SETBP1: variants seen among roughly 807,000 people sequenced by gnomAD.
SETBP1 encodes SET-binding protein.
A neutral mutation model predicts 101.0 loss-of-function variants in SETBP1; 9 were observed. The observed-to-expected ratio is 0.09, with a 90% CI of 0.05 to 0.16. The LOEUF (loss-of-function observed/expected upper bound fraction) is 0.16, where lower values mean the gene tolerates loss of function less well. SETBP1 is among the 10% of genes least tolerant of loss of function. The pLI is 1.00. For synonymous variants in SETBP1, 818 were observed against 788.5 expected, an observed-to-expected ratio of 1.04 and a Z score of -0.63; for missense variants, 1,858 against 2,033.8, an observed-to-expected ratio of 0.91 and a Z score of 1.66.
At chr18:44,872,741 C>G (rs1177989672) in intron 3 of SETBP1, among the ~76,000 whole-genome samples, 2 of 152,264 alleles carry the variant, frequency 1.3e-5, no homozygotes. Flanking sequence ...TGCCCACGTG[C>G]TTGTGCACAT....
At chr18:44,696,284 A>G (rs73952915) in intron 1 of SETBP1, among the ~76,000 whole-genome samples, 3,172 of 152,242 alleles carry the variant, frequency 0.021, 96 homozygotes, top group African/African-American at 0.073. Context: ...CAATAATAAT[A>G]CCTATGATCT....
intron 2 of SETBP1, among the ~76,000 whole-genome samples, chr18:44,817,308 A>G (rs2072000557): frequency 6.6e-6 from 1 of 152,176 alleles, no homozygotes; most frequent in Admixed American, 6.5e-5. Context: ...AGGGTCACGC[A>G]GTTAAATATT....
chr18:44,816,950 C>T lies in SETBP1; in HGVS notation c.487-52280C>T, dbSNP rs75770995. ...CCAGCCAGCGATTTAGGGAAATTGA[C>T]GATCTTCTGGGGCTTGTTGTGTTTG... is the stretch of plus-strand genomic sequence containing the variant. On this transcript the variant is annotated intron_variant, in intron 2 of 5. Transcript: ENST00000649279. 9.9e-4 allele frequency among the ~76,000 whole-genome samples: 151 copies of T among 152,238 alleles called. 2 individuals carry two copies. In the East Asian group the frequency reaches 0.023, roughly 23 times the overall value.
At position 45,029,919 on chromosome 18, in the gene SETBP1, A is replaced by G. The variant is rs1237811579; in HGVS notation, c.4001-8566A>G. ...CTTAAGGAGATTTTGGGCTGAGACA[A>G]TGGGGTTTTCTAGATATACAATCAT... is the stretch of plus-strand genomic sequence containing the variant. On this transcript the variant is annotated intron_variant, in intron 4 of 5. Coordinates refer to ENST00000649279, the MANE Select transcript of SETBP1 (RefSeq NM_015559.3). 2.6e-5 allele frequency among the ~76,000 whole-genome samples: 4 copies of G among 151,602 alleles called. No homozygotes were observed. The South Asian group carries it at 6.3e-4, about 24-fold the overall frequency.
At chr18:44,846,826 A>G (rs1215441772) in intron 2 of SETBP1, among the ~76,000 whole-genome samples, 9 of 152,244 alleles carry the variant, frequency 5.9e-5, no homozygotes, top group Non-Finnish European at 1.2e-4. Flanking sequence ...TAGAAATCCC[A>G]GTCAAAATCA....
rs141803241 is a variant in SETBP1, at chr18:44,944,243, C to T, written c.541-5638C>T. ...TTAGAGTTTCATACTATGTAAATTACGGAGAGTTCAGAGAGCAAAACAGGA... is the reference window on the plus strand; with the variant it reads ...TTAGAGTTTCATACTATGTAAATTATGGAGAGTTCAGAGAGCAAAACAGGA... On this transcript the variant is annotated intron_variant, in intron 3 of 5. Transcript: ENST00000649279. Among the ~76,000 whole-genome samples the T allele has an allele frequency of 8.2e-3, 1,242 of 152,252 alleles. 23 individuals carry two copies. Among genetic ancestry groups the T allele is most frequent in the African/African-American group, 0.028 (1,166 of 41,530 alleles).
intron 2 of SETBP1, among the ~76,000 whole-genome samples, chr18:44,788,545 C>T (rs1281162361): frequency 6.6e-6 from 1 of 152,184 alleles, no homozygotes; most frequent in Non-Finnish European, 1.5e-5. Context: ...GAAGCCTGGC[C>T]TTGCTCATAT....
At chr18:44,902,896 A>G (rs537211497) in intron 3 of SETBP1, among the ~76,000 whole-genome samples, 1 of 152,200 alleles carries the variant, frequency 6.6e-6, no homozygotes, top group South Asian at 2.1e-4. Context: ...TACATGTTAT[A>G]TATATATATG....
chr18:44,725,610 C>T (rs2069688952), intron 2 of SETBP1, among the ~76,000 whole-genome samples: 1 of 152,056 alleles, frequency 6.6e-6, no homozygotes, highest in Non-Finnish European at 1.5e-5. Context: ...ATTATAGGGG[C>T]ATATAGCTGG....
intron 4 of SETBP1, among the ~76,000 whole-genome samples, chr18:45,028,465 A>T (rs2073218851): frequency 6.6e-6 from 1 of 152,074 alleles, no homozygotes; most frequent in Non-Finnish European, 1.5e-5. Flanking sequence ...GTGCCGCAAT[A>T]AACATATGTG....
intron 2 of SETBP1, among the ~76,000 whole-genome samples, chr18:44,772,342 G>T (rs2070892220): frequency 6.6e-6 from 1 of 152,172 alleles, no homozygotes; most frequent in African/African-American, 2.4e-5. Flanking sequence ...ATAAGAAAAA[G>T]GAAAGAAAAC....
At chr18:44,874,136 A>G (rs911183227) in intron 3 of SETBP1, among the ~76,000 whole-genome samples, 5 of 152,202 alleles carry the variant, frequency 3.3e-5, no homozygotes, top group Non-Finnish European at 4.4e-5. Flanking sequence ...CCCAGTCATC[A>G]TGTTATTTCA....
chr18:44,767,179 C>T (rs189909573), intron 2 of SETBP1, among the ~76,000 whole-genome samples: 3 of 152,336 alleles, frequency 2.0e-5, no homozygotes, highest in Admixed American at 6.5e-5. Flanking sequence ...AGTCATCTCC[C>T]TCTCCTGGGG....
At chr18:44,690,385 T>C (rs2068909834) in intron 1 of SETBP1, among the ~76,000 whole-genome samples, 1 of 152,180 alleles carries the variant, frequency 6.6e-6, no homozygotes, top group African/African-American at 2.4e-5. Context: ...CAAATGACAA[T>C]GAACAAAGCA....
chr18:44,990,505 T>C (rs921654423), intron 4 of SETBP1, among the ~76,000 whole-genome samples: 1 of 152,018 alleles, frequency 6.6e-6, no homozygotes, highest in Non-Finnish European at 1.5e-5. Flanking sequence ...GGTGGTAGGA[T>C]TGCTGGAGCT....
intron 3 of SETBP1, among the ~76,000 whole-genome samples, chr18:44,930,463 G>A (rs940270865): frequency 6.6e-6 from 1 of 152,174 alleles, no homozygotes; most frequent in Non-Finnish European, 1.5e-5. Context: ...AATGAATTAG[G>A]AAGGATTCAC....
chr18:44,915,497 G>A (rs1463993829), intron 3 of SETBP1, among the ~76,000 whole-genome samples: 4 of 152,172 alleles, frequency 2.6e-5, no homozygotes, highest in Non-Finnish European at 5.9e-5. Flanking sequence ...AAAGAGCTCA[G>A]AGCACTGTTT....
chr18:44,889,264 G>A, intron 3 of SETBP1, among the ~76,000 whole-genome samples: 1 of 152,044 alleles, frequency 6.6e-6, no homozygotes, highest in East Asian at 1.9e-4. Context: ...TGCCAAACCA[G>A]GAGAAGAATC....
At chr18:45,049,383 A>G (rs570374497) in intron 5 of SETBP1, among the ~76,000 whole-genome samples, 10 of 152,318 alleles carry the variant, frequency 6.6e-5, no homozygotes, top group African/African-American at 1.2e-4. Flanking sequence ...CTGACCGGCA[A>G]TGATAGCAAA....
Sources: allele counts gnomAD v4.1 joint callset (sites outside exome capture counted in the v4.1 genomes callset), GRCh38; gene constraint gnomAD v4.1.1; transcripts MANE v1.5; gene names NCBI Gene and HGNC (gene_info 2026-07-23, HGNC 2026-07-21).